Variants in CADPS2 observed in about 807,000 individuals in gnomAD.
The protein encoded by CADPS2 is calcium-dependent secretion activator 2.
In CADPS2, 93 loss-of-function variants were observed where a neutral mutation model predicts 172.5. The ratio of observed to expected loss-of-function variants is 0.54; its 90% CI spans 0.46 to 0.64. The LOEUF is 0.64. Among genes scored for constraint, CADPS2 ranks in the 30% least tolerant of loss-of-function variants. CADPS2 has a pLI of 0.00. For synonymous variants in CADPS2, 546 were observed against 555.2 expected, an observed-to-expected ratio of 0.98 and a Z score of 0.23; for missense variants, 1,420 against 1,565.9, an observed-to-expected ratio of 0.91 and a Z score of 1.57.
At chr7:122,825,722 A>G (rs924334281) in intron 1 of CADPS2, among the ~76,000 whole-genome samples, 3 of 152,172 alleles carry the variant, frequency 2.0e-5, no homozygotes, top group East Asian at 3.9e-4. Context: ...TTGCAGAATA[A>G]TATGCAGTTG....
intron 2 of CADPS2, chr7:122,698,084 G>A (rs1391580241): frequency 1.9e-6 from 3 of 1,613,840 alleles, no homozygotes; most frequent in African/African-American, 1.3e-5. Flanking sequence ...CAATTCTTGT[G>A]GAAAAAATGT....
At position 122,885,127 on chromosome 7, in the gene CADPS2, T is replaced by C. The variant is rs1563251773; in HGVS notation, c.339+872A>G. ...AAAAGATTTCCTAGAGTTTGTATTG[T>C]AAACATTTAACCACTTAGGACAATT... On this transcript the variant is annotated intron_variant, in intron 1 of 29. Coordinates refer to ENST00000449022, the MANE Select transcript of CADPS2 (RefSeq NM_017954.11). Among the ~76,000 whole-genome samples, 5 of 152,216 alleles carry C rather than the reference T, an allele frequency of 3.3e-5. No homozygotes were observed. The South Asian group carries it at 1.0e-3, about 32-fold the overall frequency.
chr7:122,428,471 A>AT lies in CADPS2; in HGVS notation c.2476+9869dup, dbSNP rs369393609. On this transcript the variant is annotated intron_variant, in intron 17 of 29. Coordinates refer to ENST00000449022, the MANE Select transcript of CADPS2 (RefSeq NM_017954.11). Reference sequence around the variant, plus strand: ...TACACACATATATATATATATATATATTTTTTTTTTTTTGAGACGGAGTTT... The same window carrying AT: ...TACACACATATATATATATATATATATTTTTTTTTTTTTTGAGACGGAGTTT... Among the ~76,000 whole-genome samples, 124 of 117,080 alleles carry AT rather than the reference A, an allele frequency of 1.1e-3. No individual in the cohort carries two copies. In the Middle Eastern group the frequency reaches 0.013, roughly 13 times the overall value. 76.8% of individuals were successfully genotyped at this position (117,080 alleles called of 152,430 possible). A position where few individuals can be genotyped will look rare whatever the true frequency, so the allele number is the denominator to read the frequency against.
Position 122,491,321 on chromosome 7 carries a change from G to GATCGGT in CADPS2, c.1636_1641dup (p.Thr546_Asp547dup). On this transcript the variant is annotated inframe_insertion, in exon 10 of 30. Coordinates refer to ENST00000449022, the MANE Select transcript of CADPS2 (RefSeq NM_017954.11). ...TTCAATTAAGATTTACCTGGGTGGGGATCGGTATAATCCACAGTATAGCCT... is the reference window on the plus strand; with the variant it reads ...TTCAATTAAGATTTACCTGGGTGGGGATCGGTATCGGTATAATCCACAGTATAGCCT... 1 of 1,598,876 alleles carries GATCGGT rather than the reference G, an allele frequency of 6.3e-7. No homozygotes were observed. The highest frequency in any genetic ancestry group is 8.5e-7 in the Non-Finnish European group (1 of 1,171,710).
chr7:122,821,905 G>A lies in CADPS2; in HGVS notation c.339+64094C>T, dbSNP rs960528782. ...CAGGGTACAGCCCATTTAAGCTCCTGTATAGATGCTCCTTTTTATTAGGCC... is the reference window on the plus strand; with the variant it reads ...CAGGGTACAGCCCATTTAAGCTCCTATATAGATGCTCCTTTTTATTAGGCC... On this transcript the variant is annotated intron_variant, in intron 1 of 29. Coordinates refer to ENST00000449022, the MANE Select transcript of CADPS2 (RefSeq NM_017954.11). 2.0e-4 allele frequency among the ~76,000 whole-genome samples: 30 copies of A among 151,784 alleles called. 1 individual carries two copies. The highest frequency in any genetic ancestry group is 3.2e-4 in the Non-Finnish European group (22 of 68,030).
chr7:122,430,225 C>A (rs563286338), intron 17 of CADPS2, among the ~76,000 whole-genome samples: 1 of 152,186 alleles, frequency 6.6e-6, no homozygotes, highest in Admixed American at 6.5e-5. Flanking sequence ...TTGTTCAGGG[C>A]ACCTCCACAT....
chr7:122,336,266 A>G (rs2035837315), intron 28 of CADPS2, among the ~76,000 whole-genome samples: 1 of 152,198 alleles, frequency 6.6e-6, no homozygotes, highest in South Asian at 2.1e-4. Flanking sequence ...CTGACCTTGC[A>G]GAAGGCGTGA....
At chr7:122,765,469 C>G (rs1295921730) in intron 1 of CADPS2, among the ~76,000 whole-genome samples, 1 of 152,096 alleles carries the variant, frequency 6.6e-6, no homozygotes, top group African/African-American at 2.4e-5. Flanking sequence ...CAGTTGGGAA[C>G]TAATGAATCA....
intron 9 of CADPS2, among the ~76,000 whole-genome samples, chr7:122,493,453 T>A (rs567229254): frequency 6.6e-6 from 1 of 152,298 alleles, no homozygotes; most frequent in South Asian, 2.1e-4. Flanking sequence ...ATTACCATGT[T>A]AGAGACTGCT....
chr7:122,323,531 T>C (rs941612886), intron 29 of CADPS2, among the ~76,000 whole-genome samples: 4 of 152,062 alleles, frequency 2.6e-5, no homozygotes, highest in African/African-American at 9.7e-5. Flanking sequence ...ATCTTGAGTA[T>C]ATAAAAATTT....
chr7:122,405,402 TG>T (rs1295769173), intron 20 of CADPS2, among the ~76,000 whole-genome samples: 17 of 152,038 alleles, frequency 1.1e-4, no homozygotes, highest in East Asian at 5.8e-4. Context: ...GTGGCTCACA[TG>T]TGTAATCCCA....
chr7:122,568,293 A>G (rs2066731515), intron 7 of CADPS2, among the ~76,000 whole-genome samples: 2 of 152,126 alleles, frequency 1.3e-5, no homozygotes, highest in African/African-American at 4.8e-5. Flanking sequence ...AGCTAAGATA[A>G]AGTAGATTTT....
At chr7:122,597,551 A>G (rs761084420) in intron 6 of CADPS2, among the ~76,000 whole-genome samples, 5 of 152,064 alleles carry the variant, frequency 3.3e-5, no homozygotes, top group Admixed American at 6.6e-5. Context: ...CACACGAATA[A>G]AACACCACAT....
intron 6 of CADPS2, among the ~76,000 whole-genome samples, chr7:122,607,130 G>A (rs1161918302): frequency 1.3e-5 from 2 of 152,040 alleles, no homozygotes; most frequent in Admixed American, 6.6e-5. Flanking sequence ...TAGACGATCA[G>A]GAAAAGCAAG....
chr7:122,698,383 AC>A (rs2085471857), intron 2 of CADPS2: 4 of 1,613,918 alleles, frequency 2.5e-6, no homozygotes, highest in Non-Finnish European at 3.4e-6. Flanking sequence ...CTTTCTCCCC[AC>A]CTCAACCACG....
chr7:122,494,887 T>A (rs1173179844), intron 9 of CADPS2, among the ~76,000 whole-genome samples: 1 of 151,944 alleles, frequency 6.6e-6, no homozygotes, highest in Non-Finnish European at 1.5e-5. Flanking sequence ...AAGGGTTTTT[T>A]TTTTTTATTT....
At chr7:122,387,717 G>T (rs1043114513) in intron 23 of CADPS2, among the ~76,000 whole-genome samples, 2 of 151,990 alleles carry the variant, frequency 1.3e-5, no homozygotes, top group Admixed American at 1.3e-4. Flanking sequence ...GAAAGGAACT[G>T]CATCATGAGC....
At chr7:122,358,542 T>A (rs145091854) in intron 27 of CADPS2, among the ~76,000 whole-genome samples, 2 of 152,216 alleles carry the variant, frequency 1.3e-5, no homozygotes, top group Non-Finnish European at 2.9e-5. Context: ...CAAGGCCATA[T>A]ATATTTTATC....
intron 11 of CADPS2, among the ~76,000 whole-genome samples, chr7:122,483,541 T>C (rs987177641): frequency 1.3e-5 from 2 of 152,162 alleles, no homozygotes; most frequent in Non-Finnish European, 1.5e-5. Context: ...AATGTACATG[T>C]ACATAACATG....
Sources: gnomAD v4.1 joint callset for allele counts (sites outside exome capture counted in the v4.1 genomes callset) on GRCh38, gnomAD v4.1.1 for gene constraint, MANE v1.5 for transcripts, NCBI Gene and HGNC (gene_info 2026-07-23, HGNC 2026-07-21) for gene names.